Variants in BRINP1 observed in about 807,000 individuals in gnomAD.
BRINP1 encodes the protein BMP/retinoic acid-inducible neural-specific protein 1.
A neutral mutation model predicts 72.9 loss-of-function variants in BRINP1; 17 were observed. The observed-to-expected ratio is 0.23, with a 90% CI of 0.16 to 0.35. BRINP1 has a LOEUF of 0.35. Ranked by LOEUF, BRINP1 falls within the 10% of genes least tolerant of loss-of-function variation. The probability of loss-of-function intolerance (pLI) is 1.00; values close to 1 mark genes in which losing one functional copy is unlikely to be tolerated. For missense variants in BRINP1, 850 were observed against 1,001.6 expected (o/e 0.85, Z 2.04); for synonymous variants, 418 against 378.5 (o/e 1.10, Z -1.21).
Position 119,355,724 on chromosome 9 carries a change from G to A in BRINP1, c.-51+13332C>T, listed in dbSNP as rs564857885. On this transcript the variant is annotated intron_variant, in intron 1 of 7. Transcript: ENST00000265922. ...AGCCTGGGCGACAGAGCAAGACTCC[G>A]TCTCAAAAAAAAAAAAAAAAAGATA... is the stretch of plus-strand genomic sequence containing the variant. Among the ~76,000 whole-genome samples, 107 of 131,046 alleles carry A rather than the reference G, an allele frequency of 8.2e-4. 1 individual carries two copies. In the East Asian group the frequency reaches 0.01, roughly 13 times the overall value. The allele number at this position is 131,046 out of a possible 152,430, so 86.0% of individuals were successfully genotyped here.
At chr9:119,308,815 C>G (rs1489817822) in intron 2 of BRINP1, among the ~76,000 whole-genome samples, 1 of 152,164 alleles carries the variant, frequency 6.6e-6, no homozygotes, top group Non-Finnish European at 1.5e-5. Context: ...GAAAACCACT[C>G]AATATGGAAC....
intron 2 of BRINP1, among the ~76,000 whole-genome samples, chr9:119,299,978 T>C (rs1220553596): frequency 6.6e-6 from 1 of 152,208 alleles, no homozygotes; most frequent in East Asian, 1.9e-4. Context: ...TAAAATTCTT[T>C]AGATTTCCAA....
chr9:119,267,602 C>T (rs1830559974), intron 2 of BRINP1, among the ~76,000 whole-genome samples: 1 of 151,256 alleles, frequency 6.6e-6, no homozygotes, highest in Admixed American at 6.6e-5. Flanking sequence ...CACCATTGCA[C>T]TCTACCCTGG....
At chr9:119,192,152 A>G (rs1829689972) in intron 7 of BRINP1, among the ~76,000 whole-genome samples, 1 of 151,974 alleles carries the variant, frequency 6.6e-6, no homozygotes, top group African/African-American at 2.4e-5. Context: ...AAAAACTCCT[A>G]GAAGAGAACA....
intron 2 of BRINP1, among the ~76,000 whole-genome samples, chr9:119,263,552 C>T (rs967076116): frequency 8.4e-4 from 126 of 150,138 alleles, no homozygotes; most frequent in Non-Finnish European, 4.6e-4. Context: ...CTATTTTTCT[C>T]ATCTCTAAGT....
chr9:119,215,177 T>A (rs1258518418), intron 5 of BRINP1, among the ~76,000 whole-genome samples: 1 of 152,218 alleles, frequency 6.6e-6, no homozygotes, highest in Non-Finnish European at 1.5e-5. Context: ...GGTCTACCAA[T>A]AGGAAGTGAC....
chr9:119,237,724 C>A (rs1160570715), intron 5 of BRINP1, among the ~76,000 whole-genome samples: 1 of 151,872 alleles, frequency 6.6e-6, no homozygotes. Flanking sequence ...TGCAGTGGCG[C>A]AATCTCGGTT....
chr9:119,358,070 G>A (rs1354061376), intron 1 of BRINP1, among the ~76,000 whole-genome samples: 2 of 152,144 alleles, frequency 1.3e-5, no homozygotes, highest in East Asian at 3.8e-4. Flanking sequence ...TTCTCATCTG[G>A]AAAATGGGGA....
chr9:119,171,138 C>CTT, intron 7 of BRINP1, among the ~76,000 whole-genome samples: 1 of 149,998 alleles, frequency 6.7e-6, no homozygotes, highest in Middle Eastern at 3.6e-3. Context: ...ACACTATTAA[C>CTT]TTTAAATGTA....
At chr9:119,205,965 T>A (rs1829849473) in intron 7 of BRINP1, among the ~76,000 whole-genome samples, 1 of 151,790 alleles carries the variant, frequency 6.6e-6, no homozygotes, top group Non-Finnish European at 1.5e-5. Context: ...TATTCTGGGC[T>A]GAATTACATA....
chr9:119,199,930 G>C (rs1045349399), intron 7 of BRINP1, among the ~76,000 whole-genome samples: 2 of 151,854 alleles, frequency 1.3e-5, no homozygotes, highest in Non-Finnish European at 2.9e-5. Context: ...TAAACTGTCT[G>C]GACTGTCAGT....
At chr9:119,312,857 T>C (rs1831082302) in intron 2 of BRINP1, among the ~76,000 whole-genome samples, 1 of 152,202 alleles carries the variant, frequency 6.6e-6, no homozygotes, top group Admixed American at 6.5e-5. Context: ...CTATATCTGA[T>C]GGCTATTAGA....
At chr9:119,346,262 C>T (rs566776632) in intron 1 of BRINP1, among the ~76,000 whole-genome samples, 14 of 152,230 alleles carry the variant, frequency 9.2e-5, no homozygotes, top group African/African-American at 2.4e-4. Context: ...TAATAGTAGT[C>T]TGTACTCAAA....
At position 119,312,996 on chromosome 9, in the gene BRINP1, A is replaced by G. The variant is rs1886371; in HGVS notation, c.218+142T>C. 91 of 849,560 alleles carry G rather than the reference A, an allele frequency of 1.1e-4. 1 individual carries two copies. Among genetic ancestry groups the G allele is most frequent in the South Asian group, 4.7e-4 (23 of 49,066 alleles). 52.6% of individuals were successfully genotyped at this position (849,560 alleles called of 1,614,324 possible). ...AATCTCTTGTGCAAAGAAAAAAAAA[A>G]TTAATCAAAAACAGCTTGTGGAAGG... On this transcript the variant is annotated intron_variant, in intron 2 of 7. Coordinates refer to ENST00000265922, the MANE Select transcript of BRINP1 (RefSeq NM_014618.3).
rs760978800 is a variant in BRINP1 at position 119,214,160 on chromosome 9, G to A, written c.686-5C>T. ...GAGGAAAGATTATCTGAAGACCTGT[G>A]TGAGAATAGCAAGAAGGGAAAACAG... On this transcript the variant is annotated splice_region_variant and splice_polypyrimidine_tract_variant and intron_variant, in intron 5 of 7. Transcript: ENST00000265922. 4.4e-6 allele frequency: 7 copies of A among 1,599,148 alleles called. No individual in the cohort carries two copies. The African/African-American group carries it at 5.4e-5, about 12-fold the overall frequency.
chr9:119,338,971 AAGAG>A (rs1181172697), intron 1 of BRINP1, among the ~76,000 whole-genome samples: 1 of 151,918 alleles, frequency 6.6e-6, no homozygotes, highest in Non-Finnish European at 1.5e-5. Flanking sequence ...GAGAGGGAGA[AAGAG>A]AGGAGGACAG....
intron 7 of BRINP1, among the ~76,000 whole-genome samples, chr9:119,190,412 T>TA (rs200553535): frequency 0.031 from 4,051 of 131,160 alleles, 152 homozygotes; most frequent in African/African-American, 0.1. Flanking sequence ...CTAGCTAGAC[T>TA]AAAAAAAAAA....
intron 2 of BRINP1, among the ~76,000 whole-genome samples, chr9:119,298,177 C>G (rs1287406128): frequency 6.6e-6 from 1 of 152,158 alleles, no homozygotes; most frequent in African/African-American, 2.4e-5. Context: ...TATTAGGTAC[C>G]AAAGCACTAT....
chr9:119,284,579 C>A (rs1830741859), intron 2 of BRINP1, among the ~76,000 whole-genome samples: 1 of 152,172 alleles, frequency 6.6e-6, no homozygotes, highest in African/African-American at 2.4e-5. Flanking sequence ...TCTTTCCCTC[C>A]CTTTTCTTAG....
Sources: allele counts gnomAD v4.1 joint callset (sites outside exome capture counted in the v4.1 genomes callset), GRCh38; gene constraint gnomAD v4.1.1; transcripts MANE v1.5; gene names NCBI Gene and HGNC (gene_info 2026-07-23, HGNC 2026-07-21).